RNF220: variants seen among roughly 807,000 people sequenced by gnomAD.
RNF220 encodes E3 ubiquitin-protein ligase RNF220.
A neutral mutation model predicts 67.1 loss-of-function variants in RNF220; 7 were observed. The observed-to-expected ratio is 0.10, with a 90% CI of 0.06 to 0.20. The LOEUF (loss-of-function observed/expected upper bound fraction) is 0.20. Ranked by LOEUF, RNF220 falls within the 10% of genes least tolerant of loss-of-function variation. The pLI is 1.00. For missense variants in RNF220, 565 were observed against 740.3 expected, an observed-to-expected ratio of 0.76 and a Z score of 2.75; for synonymous variants, 270 against 283.2, an observed-to-expected ratio of 0.95 and a Z score of 0.47.
chr1:44,556,717 C>G (rs1054684906), intron 2 of RNF220, among the ~76,000 whole-genome samples: 1 of 152,030 alleles, frequency 6.6e-6, no homozygotes, highest in Non-Finnish European at 1.5e-5. Flanking sequence ...CTGCACCACG[C>G]CCTGCTAATT....
intron 2 of RNF220, among the ~76,000 whole-genome samples, chr1:44,459,322 A>G (rs560884220): frequency 1.8e-3 from 267 of 152,150 alleles, no homozygotes; most frequent in African/African-American, 6.1e-3. Context: ...CCAACCTCTC[A>G]GCCTTCTCCC....
At chr1:44,644,643 G>A (rs1644583576) in intron 8 of RNF220, 55 bp from the exon 9 acceptor site, 2 of 1,431,606 alleles carry the variant, frequency 1.4e-6, no homozygotes, top group East Asian at 2.3e-5. Flanking sequence ...CAACAGGAGG[G>A]GCACCCTTGG....
At chr1:44,478,036 TG>T (rs1655445271) in intron 2 of RNF220, among the ~76,000 whole-genome samples, 1 of 152,214 alleles carries the variant, frequency 6.6e-6, no homozygotes, top group South Asian at 2.1e-4. Context: ...TGGAGTGCAA[TG>T]GCACAATCTC....
Position 44,412,470 on chromosome 1 carries a change from T to A in RNF220, c.373T>A (p.Ser125Thr). The change falls in exon 2 of 15, where the codon TCC (serine) becomes ACC (threonine). Residue 125 changes from serine (S) to threonine (T), a missense_variant. Coordinates refer to ENST00000361799, the MANE Select transcript of RNF220 (RefSeq NM_018150.4). This position sits in a 1 kb window ranked among gnomAD's most constrained non-coding sequence, Gnocchi z 5.3. ...SGVGAFRPFA[S>T]TEDRESYQSA... ...TGTGGGGGCTTTCCGGCCCTTTGCC[T>A]CCACCGAGGACCGGGAGAGCTATCA... 6.2e-7 allele frequency: 1 copy of A among 1,611,294 alleles called. No homozygotes were observed. Among genetic ancestry groups the A allele is most frequent in the Non-Finnish European group, 8.5e-7 (1 of 1,177,730 alleles).
At chr1:44,532,797 T>G (rs1660930238) in intron 2 of RNF220, among the ~76,000 whole-genome samples, 1 of 152,216 alleles carries the variant, frequency 6.6e-6, no homozygotes, top group Admixed American at 6.5e-5. Flanking sequence ...ATCTATTTGC[T>G]ATCCACCTGT....
chr1:44,594,215 C>G (rs1047793731), intron 2 of RNF220, among the ~76,000 whole-genome samples: 9 of 152,176 alleles, frequency 5.9e-5, no homozygotes, highest in African/African-American at 2.2e-4. Context: ...GTGAAAGGCC[C>G]CCAAGAGAAA....
chr1:44,631,829 G>T (rs1644133732), intron 5 of RNF220: 1 of 869,538 alleles, frequency 1.2e-6, no homozygotes, highest in Non-Finnish European at 1.4e-6. Flanking sequence ...AGGCTTCACG[G>T]GCGGTGGGAG....
intron 2 of RNF220, among the ~76,000 whole-genome samples, chr1:44,571,734 A>G (rs1289279729): frequency 1.3e-5 from 2 of 152,218 alleles, no homozygotes; most frequent in South Asian, 4.1e-4. Flanking sequence ...CTCACTTTCC[A>G]GCCACCTACA....
chr1:44,407,778 C>G (rs1453524563), intron 1 of RNF220, among the ~76,000 whole-genome samples: 1 of 152,164 alleles, frequency 6.6e-6, no homozygotes, highest in Non-Finnish European at 1.5e-5. Flanking sequence ...GCAGGAGAAG[C>G]GGGAGTGGAG....
intron 2 of RNF220, among the ~76,000 whole-genome samples, chr1:44,429,859 A>G (rs1413975447): frequency 1.3e-5 from 2 of 152,210 alleles, no homozygotes; most frequent in Non-Finnish European, 2.9e-5. Context: ...ATGGGATTCA[A>G]CTTAAGAATT....
intron 5 of RNF220, chr1:44,631,912 C>T (rs114477934): frequency 0.012 from 12,132 of 986,970 alleles, 552 homozygotes; most frequent in African/African-American, 0.12. Context: ...TCCGGCCGCC[C>T]CCGCCGCATT....
At chr1:44,604,552 T>TG (rs1667141950) in intron 2 of RNF220, among the ~76,000 whole-genome samples, 1 of 152,246 alleles carries the variant, frequency 6.6e-6, no homozygotes, top group Non-Finnish European at 1.5e-5. Flanking sequence ...CAAAGGCTCA[T>TG]GGGGTCAAGG....
chr1:44,585,260 A>G (rs1395684686), intron 2 of RNF220, among the ~76,000 whole-genome samples: 1 of 152,096 alleles, frequency 6.6e-6, no homozygotes, highest in Non-Finnish European at 1.5e-5. Flanking sequence ...CTCTGCTAGC[A>G]CTTGGGATCC....
chr1:44,547,407 G>T (rs1042055405), intron 2 of RNF220, among the ~76,000 whole-genome samples: 1 of 152,012 alleles, frequency 6.6e-6, no homozygotes, highest in East Asian at 1.9e-4. Context: ...GTCCATGTTG[G>T]TGTTCACCCT....
intron 2 of RNF220, among the ~76,000 whole-genome samples, chr1:44,509,884 C>CAAAAAAAAAAAAAAAA (rs1557996558): frequency 1.2e-5 from 1 of 80,408 alleles, no homozygotes; most frequent in African/African-American, 4.7e-5. Flanking sequence ...GAGACCCTGT[C>CAAAAAAAAAAAAAAAA]CAAAAAAAAA....
chr1:44,629,353 C>G (rs1408106791), intron 5 of RNF220, among the ~76,000 whole-genome samples: 1 of 152,254 alleles, frequency 6.6e-6, no homozygotes, highest in Non-Finnish European at 1.5e-5. Flanking sequence ...CATATTTAAT[C>G]TTTCACAATG....
intron 5 of RNF220, chr1:44,631,969 G>C (rs903896017): frequency 2.0e-6 from 2 of 997,982 alleles, no homozygotes; most frequent in Admixed American, 6.0e-5. Flanking sequence ...CACGTGATTA[G>C]GGCCAACATG....
At chr1:44,559,877 A>T (rs759398691) in intron 2 of RNF220, among the ~76,000 whole-genome samples, 1 of 152,162 alleles carries the variant, frequency 6.6e-6, no homozygotes, top group Non-Finnish European at 1.5e-5. Context: ...TTATTTGCCC[A>T]CTCTGAAGGC....
intron 2 of RNF220, among the ~76,000 whole-genome samples, chr1:44,527,922 TCC>T (rs1491516121): frequency 0.049 from 124 of 2,520 alleles, 11 homozygotes; most frequent in African/African-American, 0.11. Context: ...CAAGACTCCA[TCC>T]CAAAAAAAAA....
Sources: allele counts gnomAD v4.1 joint callset (sites outside exome capture counted in the v4.1 genomes callset), GRCh38; gene constraint gnomAD v4.1.1; non-coding constraint Gnocchi (gnomAD v3.1); transcripts MANE v1.5; gene names NCBI Gene and HGNC (gene_info 2026-07-23, HGNC 2026-07-21).